Variants in DLGAP2 observed in about 807,000 individuals in gnomAD.
DLGAP2 encodes the protein DLG associated protein 2.
DLGAP2 carries 26 observed loss-of-function variants against 100.3 expected under a neutral mutation model. The ratio of observed to expected loss-of-function variants is 0.26; its 90% CI spans 0.19 to 0.36. The LOEUF (loss-of-function observed/expected upper bound fraction) is 0.36, where lower values mean the gene tolerates loss of function less well. Among genes scored for constraint, DLGAP2 ranks in the 10% least tolerant of loss-of-function variants. The pLI is 1.00. For missense variants in DLGAP2, 1,858 were observed against 1,453.2 expected (o/e 1.28, Z -4.53); for synonymous variants, 886 against 630.1 (o/e 1.41, Z -6.08).
At chr8:1,039,254 G>A (rs989730539) in intron 2 of DLGAP2, among the ~76,000 whole-genome samples, 30 of 129,004 alleles carry the variant, frequency 2.3e-4, no homozygotes, top group Non-Finnish European at 3.3e-4. Flanking sequence ...GTGCGTGGTC[G>A]TCTCAGTTTC....
intron 2 of DLGAP2, among the ~76,000 whole-genome samples, chr8:1,229,756 TACAA>T (rs905341724): frequency 1.3e-5 from 2 of 152,152 alleles, no homozygotes; most frequent in Non-Finnish European, 2.9e-5. Flanking sequence ...TAAACAGAAT[TACAA>T]ACAAAAACCA....
chr8:1,518,636 C>G (rs1459476453), intron 4 of DLGAP2, among the ~76,000 whole-genome samples: 1 of 152,124 alleles, frequency 6.6e-6, no homozygotes, highest in Non-Finnish European at 1.5e-5. Context: ...TAGACTTGAG[C>G]TCAAGTCATA....
intron 6 of DLGAP2, among the ~76,000 whole-genome samples, chr8:1,603,453 G>C (rs1329038507): frequency 2.0e-5 from 3 of 151,632 alleles, no homozygotes; most frequent in East Asian, 1.9e-4. Context: ...TAGAGTGGAG[G>C]CTGGGTCTCA....
At chr8:973,401 C>T (rs1161926192) in intron 2 of DLGAP2, among the ~76,000 whole-genome samples, 7 of 151,334 alleles carry the variant, frequency 4.6e-5, no homozygotes, top group East Asian at 4.0e-4. Context: ...TCAGACGGGG[C>T]GGCCGGGCAG....
intron 8 of DLGAP2, among the ~76,000 whole-genome samples, chr8:1,652,283 T>C (rs1399891544): frequency 6.6e-6 from 1 of 152,170 alleles, no homozygotes; most frequent in Non-Finnish European, 1.5e-5. Flanking sequence ...CATCCTGTTA[T>C]GTATATTTTA....
intron 1 of DLGAP2, among the ~76,000 whole-genome samples, chr8:903,312 C>T (rs923775844): frequency 3.3e-5 from 5 of 152,096 alleles, no homozygotes; most frequent in African/African-American, 1.2e-4. Context: ...GGCGTCCTGC[C>T]CACTGGTTCA....
intron 1 of DLGAP2, among the ~76,000 whole-genome samples, chr8:771,605 G>C (rs117829392): frequency 0.038 from 5,719 of 152,304 alleles, 149 homozygotes; most frequent in Non-Finnish European, 0.059. Context: ...TCCAACCCAG[G>C]TGGTTTAGTT....
chr8:1,194,251 G>A (rs1797702985), intron 2 of DLGAP2, among the ~76,000 whole-genome samples: 2 of 152,116 alleles, frequency 1.3e-5, no homozygotes, highest in Non-Finnish European at 2.9e-5. Flanking sequence ...TGGCAAGTTG[G>A]AAACACAGGC....
At chr8:1,121,773 C>T (rs1181489784) in intron 2 of DLGAP2, among the ~76,000 whole-genome samples, 2 of 151,970 alleles carry the variant, frequency 1.3e-5, no homozygotes, top group African/African-American at 4.8e-5. Context: ...CATGACCACC[C>T]ATCCTTGTCT....
intron 1 of DLGAP2, among the ~76,000 whole-genome samples, chr8:904,878 C>G (rs1584878651): frequency 6.6e-6 from 1 of 152,210 alleles, no homozygotes; most frequent in African/African-American, 2.4e-5. Context: ...TAATTTCATT[C>G]TCCTCTGCGG....
At chr8:1,521,038 G>T (rs1370687155) in intron 4 of DLGAP2, among the ~76,000 whole-genome samples, 1 of 152,196 alleles carries the variant, frequency 6.6e-6, no homozygotes, top group African/African-American at 2.4e-5. Context: ...TCTGGATTCT[G>T]GCCGTTCTAT....
intron 3 of DLGAP2, among the ~76,000 whole-genome samples, chr8:1,321,157 GC>G (rs1282747457): frequency 6.6e-6 from 1 of 150,570 alleles, no homozygotes; most frequent in Admixed American, 6.6e-5. Context: ...ATGCATCCGT[GC>G]CCGTATGTGT....
At chr8:1,271,252 G>A (rs1799576599) in intron 3 of DLGAP2, among the ~76,000 whole-genome samples, 1 of 152,156 alleles carries the variant, frequency 6.6e-6, no homozygotes, top group Non-Finnish European at 1.5e-5. Context: ...TCTCCACCCA[G>A]CACTGAGAGA....
rs764935176 is a variant in DLGAP2, at chr8:1,287,471, CGT to C, written c.106+28612_106+28613del. Among the ~76,000 whole-genome samples the C allele has an allele frequency of 5.1e-3, 119 of 23,280 alleles. 1 individual carries two copies. Among genetic ancestry groups the C allele is most frequent in the African/African-American group, 8.8e-3 (28 of 3,182 alleles). 15.3% of individuals were successfully genotyped at this position (23,280 alleles called of 152,430 possible). ...AGGAGGGGAACTAGTTTCGGTTCAG[CGT>C]GTGTGTGTGTGTGTGTGTGTGTGGT... On this transcript the variant is annotated intron_variant, in intron 3 of 14. Transcript: ENST00000637795.
intron 3 of DLGAP2, among the ~76,000 whole-genome samples, chr8:1,480,664 A>G (rs1014371445): frequency 1.3e-5 from 2 of 150,626 alleles, no homozygotes; most frequent in Non-Finnish European, 3.0e-5. Context: ...AGCCTGACCA[A>G]TGTGGTGAAA....
At chr8:1,613,729 T>C (rs1335991440) in intron 6 of DLGAP2, among the ~76,000 whole-genome samples, 1 of 152,136 alleles carries the variant, frequency 6.6e-6, no homozygotes, top group Non-Finnish European at 1.5e-5. Context: ...GTAAAGCCCT[T>C]TTTCGAGAAC....
chr8:827,819 G>A (rs904172056), intron 1 of DLGAP2, among the ~76,000 whole-genome samples: 6 of 152,172 alleles, frequency 3.9e-5, no homozygotes, highest in Non-Finnish European at 7.3e-5. Context: ...ATTATCGGGG[G>A]ACCTGCCCCG....
intron 2 of DLGAP2, among the ~76,000 whole-genome samples, chr8:1,007,132 G>C (rs1801139456): frequency 2.0e-5 from 3 of 151,532 alleles, no homozygotes; most frequent in Non-Finnish European, 4.4e-5. Context: ...CTCAGGATAT[G>C]GTCCTTTATC....
At chr8:1,523,396 G>A (rs917651563) in intron 4 of DLGAP2, among the ~76,000 whole-genome samples, 15 of 152,298 alleles carry the variant, frequency 9.8e-5, no homozygotes, top group East Asian at 9.7e-4. Context: ...CCGGCCTCAC[G>A]CCGGCCGAGC....
Sources: allele counts gnomAD v4.1 joint callset (sites outside exome capture counted in the v4.1 genomes callset), GRCh38; gene constraint gnomAD v4.1.1; transcripts MANE v1.5; gene names NCBI Gene and HGNC (gene_info 2026-07-23, HGNC 2026-07-21).